PITPNC1: variants seen among roughly 807,000 people sequenced by gnomAD.
PITPNC1 encodes the protein phosphatidylinositol transfer protein cytoplasmic 1, also known as cytoplasmic phosphatidylinositol transfer protein 1.
PITPNC1 carries 18 observed loss-of-function variants against 44.7 expected under a neutral mutation model. The observed-to-expected ratio is 0.40, with a 90% CI of 0.28 to 0.60. PITPNC1 has a LOEUF of 0.60. PITPNC1 is among the 20% of genes least tolerant of loss of function. The pLI is 0.39. For missense variants in PITPNC1, 290 were observed against 418.4 expected (o/e 0.69, Z 2.68); for synonymous variants, 141 against 149.6 (o/e 0.94, Z 0.42).
At chr17:67,425,203 GCACACACACACACACA>G (rs60705271) in intron 1 of PITPNC1, among the ~76,000 whole-genome samples, 3,904 of 98,712 alleles carry the variant, frequency 0.04, 324 homozygotes, top group African/African-American at 0.071. Context: ...GCACGCACAC[GCACACACACACACACA>G]CACACACACA....
intron 1 of PITPNC1, among the ~76,000 whole-genome samples, chr17:67,402,592 C>A (rs78678350): frequency 1.3e-5 from 2 of 152,226 alleles, no homozygotes; most frequent in South Asian, 2.1e-4. Context: ...CCACAGCAGC[C>A]GTAACCATAG....
intron 4 of PITPNC1, among the ~76,000 whole-genome samples, chr17:67,569,195 A>G (rs1250054256): frequency 6.6e-6 from 1 of 152,090 alleles, no homozygotes; most frequent in Non-Finnish European, 1.5e-5. Flanking sequence ...GTTTGCTTAC[A>G]TTTCATTTTG....
intron 1 of PITPNC1, among the ~76,000 whole-genome samples, chr17:67,420,381 TCCCCTCCCTC>T (rs754936291): frequency 4.2e-5 from 6 of 144,442 alleles, no homozygotes; most frequent in South Asian, 2.3e-4. Context: ...CCTTCCTCCC[TCCCCTCCCTC>T]CCTCCCTCCC....
intron 1 of PITPNC1, among the ~76,000 whole-genome samples, chr17:67,451,701 C>G (rs138224025): frequency 6.6e-6 from 1 of 150,934 alleles, no homozygotes; most frequent in South Asian, 2.1e-4. Context: ...TGCAGTGGCG[C>G]GATCTCGGCT....
At chr17:67,471,601 A>G (rs765646592) in intron 1 of PITPNC1, 3 of 359,770 alleles carry the variant, frequency 8.3e-6, no homozygotes, top group African/African-American at 4.6e-5. Context: ...ATTTGCAATT[A>G]TTCTGTAAAT....
intron 2 of PITPNC1, among the ~76,000 whole-genome samples, chr17:67,541,132 T>C (rs547962646): frequency 4.6e-5 from 7 of 152,224 alleles, no homozygotes; most frequent in Admixed American, 4.6e-4. Context: ...TGAAAATCAC[T>C]TGAGCCTGGG....
At chr17:67,449,478 A>C (rs141045895) in intron 1 of PITPNC1, among the ~76,000 whole-genome samples, 1 of 152,244 alleles carries the variant, frequency 6.6e-6, no homozygotes, top group Non-Finnish European at 1.5e-5. Context: ...TGGAATAAGC[A>C]TAACACTTTT....
intron 1 of PITPNC1, among the ~76,000 whole-genome samples, chr17:67,453,745 G>A (rs2039216579): frequency 6.6e-6 from 1 of 152,176 alleles, no homozygotes; most frequent in East Asian, 1.9e-4. Context: ...CTAATGAGAA[G>A]AATTGAATTA....
At chr17:67,604,001 A>T (rs1224793844) in intron 5 of PITPNC1, among the ~76,000 whole-genome samples, 1 of 152,124 alleles carries the variant, frequency 6.6e-6, no homozygotes, top group Non-Finnish European at 1.5e-5. Context: ...TTGAAAGTTT[A>T]AATTTTCACA....
At chr17:67,657,146 C>T (rs1459875147) in intron 6 of PITPNC1, among the ~76,000 whole-genome samples, 1 of 149,544 alleles carries the variant, frequency 6.7e-6, no homozygotes, top group Non-Finnish European at 1.5e-5. Flanking sequence ...CCCTTCCCCT[C>T]CCCACCCCCG....
rs146250291 is a variant in PITPNC1 at position 67,621,808 on chromosome 17, G to C, written c.367-10335G>C. 1.4e-3 allele frequency among the ~76,000 whole-genome samples: 211 copies of C among 152,134 alleles called. 1 individual carries two copies. Among genetic ancestry groups the C allele is most frequent in the African/African-American group, 4.8e-3 (200 of 41,530 alleles). ...TCTGTCTTCTGCAAAACAGAAAAAA[G>C]AATAGAGACCAAAAATGGTTCTGAG... is the stretch of plus-strand genomic sequence containing the variant. On this transcript the variant is annotated intron_variant, in intron 5 of 8. Coordinates refer to ENST00000581322, the MANE Select transcript of PITPNC1 (RefSeq NM_012417.4).
At chr17:67,480,053 C>T (rs996969017) in intron 1 of PITPNC1, among the ~76,000 whole-genome samples, 15 of 152,164 alleles carry the variant, frequency 9.9e-5, no homozygotes, top group African/African-American at 3.6e-4. Flanking sequence ...TGTCAGCAGG[C>T]AACAAGTTTC....
intron 1 of PITPNC1, among the ~76,000 whole-genome samples, chr17:67,428,245 A>C (rs1481948579): frequency 1.3e-5 from 2 of 152,158 alleles, no homozygotes; most frequent in Non-Finnish European, 2.9e-5. Context: ...ATATGAAAAC[A>C]TACTGTGCCT....
At chr17:67,546,466 T>G (rs2040685210) in intron 2 of PITPNC1, among the ~76,000 whole-genome samples, 1 of 152,108 alleles carries the variant, frequency 6.6e-6, no homozygotes, top group Admixed American at 6.5e-5. Context: ...TTCCCTGTGC[T>G]CCTGTAGGAA....
At chr17:67,386,391 C>G (rs1168935582) in intron 1 of PITPNC1, among the ~76,000 whole-genome samples, 4 of 152,118 alleles carry the variant, frequency 2.6e-5, no homozygotes, top group Non-Finnish European at 5.9e-5. Context: ...CGGGGTTTCA[C>G]CATGTTGTCC....
intron 1 of PITPNC1, among the ~76,000 whole-genome samples, chr17:67,410,802 G>T (rs1231088022): frequency 2.0e-5 from 3 of 151,936 alleles, no homozygotes; most frequent in Non-Finnish European, 4.4e-5. Context: ...TAGAGCAGTT[G>T]GGCTGCGCTG....
intron 5 of PITPNC1, chr17:67,611,465 T>C (rs2041686232): frequency 6.6e-6 from 1 of 152,180 alleles, no homozygotes; most frequent in Non-Finnish European, 1.5e-5. Flanking sequence ...GGTTTTGTTG[T>C]TGTTTTGTTG....
intron 8 of PITPNC1, among the ~76,000 whole-genome samples, chr17:67,681,869 T>C (rs1171504309): frequency 6.6e-6 from 1 of 152,152 alleles, no homozygotes; most frequent in African/African-American, 2.4e-5. Context: ...AAACAACTTA[T>C]GACCCAGCCA....
chr17:67,686,918 C>G, intron 8 of PITPNC1: 1 of 613,830 alleles, frequency 1.6e-6, no homozygotes, highest in Non-Finnish European at 2.9e-6. Flanking sequence ...GTTTAGCTAA[C>G]TTTATGACTT....
Sources: gnomAD v4.1 joint callset for allele counts (sites outside exome capture counted in the v4.1 genomes callset) on GRCh38, gnomAD v4.1.1 for gene constraint, MANE v1.5 for transcripts, NCBI Gene and HGNC (gene_info 2026-07-23, HGNC 2026-07-21) for gene names.